Variants in CLEC12A observed in about 807,000 individuals in gnomAD.
CLEC12A encodes C-type lectin domain family 12 member A, also known as C-type lectin protein CLL-1.
A neutral mutation model predicts 26.5 loss-of-function variants in CLEC12A; 22 were observed. The observed-to-expected ratio is 0.83, with a 90% CI of 0.59 to 1.19. The LOEUF (loss-of-function observed/expected upper bound fraction) is 1.19. CLEC12A is among the 50% of genes most tolerant of loss of function. The pLI is 0.00. For missense variants in CLEC12A, 353 were observed against 315.6 expected (o/e 1.12, Z -0.90); for synonymous variants, 119 against 101.9 (o/e 1.17, Z -1.01).
the CLEC12A span, among the ~76,000 whole-genome samples, chr12:10,004,452 G>A: frequency 6.6e-6 from 1 of 152,096 alleles, no homozygotes; most frequent in East Asian, 1.9e-4. Flanking sequence ...TTCCTCTGGA[G>A]TTTGGCCATC....
chr12:9,998,568 T>C (rs139683806), downstream of CLEC12A, among the ~76,000 whole-genome samples: 47 of 134,190 alleles, frequency 3.5e-4, 5 homozygotes, highest in East Asian at 8.5e-3. Flanking sequence ...ATACCATACA[T>C]CCATTCTCAT....
upstream of CLEC12A, among the ~76,000 whole-genome samples, chr12:9,966,676 CTGCCTCT>C: frequency 1.3e-5 from 2 of 151,610 alleles, no homozygotes; most frequent in Non-Finnish European, 2.9e-5. Context: ...TGCTACTTTG[CTGCCTCT>C]ACTTTATTAT....
downstream of CLEC12A, chr12:9,986,012 T>A (rs757163303): frequency 3.8e-6 from 1 of 263,236 alleles, no homozygotes; most frequent in Non-Finnish European, 8.2e-6. Context: ...TCCTCTTCTG[T>A]GACAGTAGCT....
chr12:10,002,111 G>C, the CLEC12A span, among the ~76,000 whole-genome samples: 2 of 151,978 alleles, frequency 1.3e-5, no homozygotes, highest in Admixed American at 6.6e-5. Context: ...TTGATCTCCT[G>C]ACCTCGTGAT....
intron 1 of CLEC12A, among the ~76,000 whole-genome samples, chr12:9,955,975 GA>G (rs967071879): frequency 2.0e-5 from 3 of 151,748 alleles, no homozygotes; most frequent in African/African-American, 2.4e-5. Flanking sequence ...AGGCAAGAGG[GA>G]AAAAAAAGAT....
chr12:9,996,969 G>A, downstream of CLEC12A: 1 of 1,614,086 alleles, frequency 6.2e-7, no homozygotes, highest in Non-Finnish European at 8.5e-7. Flanking sequence ...AATATCTCCA[G>A]TTTGTGTCAC....
At chr12:9,984,221 A>G (rs1312671040) in intron 5 of CLEC12A, 1 of 152,490 alleles carries the variant, frequency 6.6e-6, no homozygotes, top group Non-Finnish European at 1.5e-5. Flanking sequence ...CCACAAATAA[A>G]TCTCATTCTT....
At position 9,980,747 on chromosome 12, in the gene CLEC12A, G is replaced by A. The variant is rs1864525138; in HGVS notation, c.531+14G>A. On this transcript the variant is annotated intron_variant, in intron 4 of 5. Coordinates refer to ENST00000304361, the MANE Select transcript of CLEC12A (RefSeq NM_138337.6). ...AAAAATGCATTGGTAAAGCCCAGGT[G>A]TTTCTACCATCATGGGATAGAGAGG... 6.2e-7 allele frequency: 1 copy of A among 1,612,418 alleles called. No individual in the cohort carries two copies. The highest frequency in any genetic ancestry group is 8.5e-7 in the Non-Finnish European group (1 of 1,179,092).
At chr12:9,980,561 A>G in intron 3 of CLEC12A, 21 bp from the exon 4 acceptor site, 1 of 1,606,200 alleles carries the variant, frequency 6.2e-7, no homozygotes, top group Non-Finnish European at 8.5e-7. Context: ...AAACCCAAAT[A>G]AAACTATGTT....
the CLEC12A span, among the ~76,000 whole-genome samples, chr12:10,002,037 G>A: frequency 1.3e-5 from 2 of 151,854 alleles, no homozygotes; most frequent in East Asian, 1.9e-4. Context: ...CCACCACCAC[G>A]CCTGGCTAAT....
At chr12:9,983,644 T>A in intron 5 of CLEC12A, 1 of 599,352 alleles carries the variant, frequency 1.7e-6, no homozygotes, top group Non-Finnish European at 3.0e-6. Context: ...CTGAGTCAAC[T>A]GTGTTGAGGT....
At chr12:9,995,601 C>T in exon 5 of CLEC12A, 1 of 342,694 alleles carries the variant, frequency 2.9e-6, no homozygotes, top group East Asian at 7.8e-5. Context: ...CAAAGAAATA[C>T]ATTGTTGATG....
Position 9,984,926 on chromosome 12 carries a change from T to C in CLEC12A, c.698T>C (p.Leu233Pro), listed in dbSNP as rs755210620. ...NNMYCGYINR[L>P]YVQYYHCTYK... is the part of the protein sequence containing the mutation. The stretch of plus-strand genomic sequence containing the variant: ...ATGTATTGTGGATATATAAATAGAC[T>C]ATATGTTCAATATTATCACTGCACT... The change falls in exon 6 of 6, where the codon CTA (leucine) becomes CCA (proline). Residue 233 changes from leucine to proline, a missense_variant. Transcript: ENST00000304361. 17 of 1,584,482 alleles carry C rather than the reference T, an allele frequency of 1.1e-5. No homozygotes were observed. Among genetic ancestry groups the C allele is most frequent in the Admixed American group, 3.5e-5 (2 of 57,598 alleles).
intron 1 of CLEC12A, among the ~76,000 whole-genome samples, chr12:9,964,030 C>T (rs3110949): frequency 0.85 from 128,884 of 152,034 alleles, 54,979 homozygotes; most frequent in Middle Eastern, 0.91. Context: ...AAAGGTTACC[C>T]AGGGGAATTC....
At chr12:9,973,894 T>C (rs1215298293) in intron 1 of CLEC12A, among the ~76,000 whole-genome samples, 2 of 152,156 alleles carry the variant, frequency 1.3e-5, no homozygotes, top group African/African-American at 4.8e-5. Context: ...CTCACCAATA[T>C]ACTCTGCTAC....
At chr12:9,980,240 T>G (rs1591832916) in intron 3 of CLEC12A, among the ~76,000 whole-genome samples, 1 of 151,882 alleles carries the variant, frequency 6.6e-6, no homozygotes, top group African/African-American at 2.4e-5. Context: ...TCTGACACAT[T>G]ATGGTGGTAT....
Position 9,957,881 on chromosome 12 carries a change from A to G in CLEC12A, c.10+6525A>G, listed in dbSNP as rs1443407584. ...GGCTTAGTGATTTGGGGACCCCAAGATTTATTTTCCTTTCACATCTGTAAT... is the reference window on the plus strand; with the variant it reads ...GGCTTAGTGATTTGGGGACCCCAAGGTTTATTTTCCTTTCACATCTGTAAT... On this transcript the variant is annotated intron_variant, in intron 1 of 6. Transcript: ENST00000355690. Among the ~76,000 whole-genome samples the G allele has an allele frequency of 2.0e-5, 3 of 152,328 alleles. No individual in the cohort carries two copies. The East Asian group carries it at 5.8e-4, about 29-fold the overall frequency.
chr12:9,991,713 A>G (rs1864897225), intron 4 of CLEC12A: 1 of 152,136 alleles, frequency 6.6e-6, no homozygotes, highest in Non-Finnish European at 1.5e-5. Context: ...AGAGTAACAC[A>G]TATTTATTGA....
chr12:9,997,455 A>T (rs754744736), downstream of CLEC12A, among the ~76,000 whole-genome samples: 1 of 152,210 alleles, frequency 6.6e-6, no homozygotes, highest in Non-Finnish European at 1.5e-5. Context: ...AAATTAAGAA[A>T]TACACAGAAC....
Sources: gnomAD v4.1 joint callset for allele counts (sites outside exome capture counted in the v4.1 genomes callset) on GRCh38, gnomAD v4.1.1 for gene constraint, MANE v1.5 for transcripts, NCBI Gene and HGNC (gene_info 2026-07-23, HGNC 2026-07-21) for gene names.